Variants in PSMD11 observed in about 807,000 individuals in gnomAD.
The protein encoded by PSMD11 is 26S proteasome non-ATPase regulatory subunit 11.
PSMD11 carries 5 observed loss-of-function variants against 62.3 expected under a neutral mutation model. The observed-to-expected ratio is 0.08, with a 90% CI of 0.04 to 0.17. The LOEUF is 0.17. Among genes scored for constraint, PSMD11 ranks in the 10% least tolerant of loss-of-function variants. PSMD11 has a pLI of 1.00. For missense variants in PSMD11, 310 were observed against 512.9 expected (o/e 0.60, Z 3.82); for synonymous variants, 191 against 191.8 (o/e 1.00, Z 0.03).
chr17:32,449,008 T>A lies in PSMD11; in HGVS notation c.193+1962T>A, dbSNP rs569894918. Among the ~76,000 whole-genome samples, 26 of 152,328 alleles carry A rather than the reference T, an allele frequency of 1.7e-4. No homozygotes were observed. In the South Asian group the frequency reaches 5.0e-3, roughly 29 times the overall value. On this transcript the variant is annotated intron_variant, in intron 2 of 13. Coordinates refer to ENST00000261712, the MANE Select transcript of PSMD11 (RefSeq NM_002815.4). ...GGATTCCACTTGTCTGTCAGTTAAT[T>A]TGAGCTTGGGGGGTTCCAAAACAGT...
intron 4 of PSMD11, 150 bp from the exon 5 acceptor site, chr17:32,464,371 A>T: frequency 1.4e-6 from 1 of 723,858 alleles, no homozygotes; most frequent in Non-Finnish European, 2.3e-6. Flanking sequence ...AATAGGAGAC[A>T]ATACATTGGC....
At chr17:32,459,138 ATG>A (rs1555616133) in intron 3 of PSMD11, among the ~76,000 whole-genome samples, 1 of 132,828 alleles carries the variant, frequency 7.5e-6, no homozygotes, top group Non-Finnish European at 1.6e-5. Flanking sequence ...ATATATATAT[ATG>A]TATTTTTTTT....
chr17:32,468,118 A>G (rs1261033116), intron 5 of PSMD11, among the ~76,000 whole-genome samples: 1 of 152,236 alleles, frequency 6.6e-6, no homozygotes, highest in Non-Finnish European at 1.5e-5. Flanking sequence ...ATGTTCCTGC[A>G]GAGGACGTGA....
intron 3 of PSMD11, 158 bp downstream of exon 3, chr17:32,454,777 T>TAC (rs1907602662): frequency 7.8e-6 from 6 of 768,612 alleles, no homozygotes; most frequent in Non-Finnish European, 1.2e-5. Context: ...GGGCATTTGA[T>TAC]ACTTTGGGTC....
At chr17:32,461,580 A>AT (rs1907847071) in intron 3 of PSMD11, among the ~76,000 whole-genome samples, 3 of 78,256 alleles carry the variant, frequency 3.8e-5, no homozygotes, top group African/African-American at 6.3e-5. Context: ...TCAAAAGAAA[A>AT]GAAAAAAAAA....
intron 5 of PSMD11, among the ~76,000 whole-genome samples, chr17:32,468,513 G>A (rs1043386182): frequency 2.6e-5 from 4 of 152,300 alleles, no homozygotes; most frequent in East Asian, 1.9e-4. Context: ...TATGGTGTAA[G>A]TCTGTTTGAA....
chr17:32,477,366 C>A, intron 8 of PSMD11, 155 bp from the exon 9 acceptor site: 1 of 527,550 alleles, frequency 1.9e-6, no homozygotes, highest in South Asian at 3.4e-5. Flanking sequence ...TCAGTACTTG[C>A]GGCTCTTCTT....
intron 1 of PSMD11, among the ~76,000 whole-genome samples, chr17:32,446,666 T>G (rs931111650): frequency 5.3e-5 from 8 of 152,182 alleles, no homozygotes; most frequent in African/African-American, 1.7e-4. Context: ...CAACAGAAAC[T>G]TAGTGTATGT....
chr17:32,450,965 T>TA lies in PSMD11; in HGVS notation c.194-3523dup, dbSNP rs771579968. ...GGAGACCACATATCTACAAAAAAGA[T>TA]AAAAAAATTGACTGGGTGTGGTGGT... On this transcript the variant is annotated intron_variant, in intron 2 of 13. Transcript: ENST00000261712. 2.1e-4 allele frequency among the ~76,000 whole-genome samples: 32 copies of TA among 150,848 alleles called. No homozygotes were observed. In the East Asian group the frequency reaches 4.9e-3, roughly 23 times the overall value.
rs1908089803 is a variant in PSMD11 at position 32,469,301 on chromosome 17, C to G, written c.643+108C>G. The G allele has an allele frequency of 2.5e-6, 3 of 1,190,712 alleles. 1 individual carries two copies. In the South Asian group the frequency reaches 4.8e-5, roughly 19 times the overall value. The allele number at this position is 1,190,712 out of a possible 1,614,324, so 73.8% of individuals were successfully genotyped here. ...GAGAATAAAATTGGCTGATTTGGCT[C>G]TAGCTTCTTCAGAGAACCAGTTAGA... On this transcript the variant is annotated intron_variant, in intron 6 of 13. Transcript: ENST00000261712.
At chr17:32,453,793 A>G (rs1358109518) in intron 2 of PSMD11, among the ~76,000 whole-genome samples, 3 of 152,224 alleles carry the variant, frequency 2.0e-5, no homozygotes, top group African/African-American at 4.8e-5. Context: ...TAGAGTTCAT[A>G]TACTGCCCTC....
rs765034002 is a variant in PSMD11, at chr17:32,444,518, G to C, written c.-6G>C. ...CCGCGGCCGGGGACGGTGTGAGAGC[G>C]GTAAGATGGCGGCGGCGGCGGTGGT... is the stretch of plus-strand genomic sequence containing the variant. On this transcript the variant is annotated 5_prime_UTR_variant, in exon 1 of 14. Coordinates refer to ENST00000261712, the MANE Select transcript of PSMD11 (RefSeq NM_002815.4). The C allele has an allele frequency of 1.9e-6, 3 of 1,590,796 alleles. No individual in the cohort carries two copies. In the South Asian group the frequency reaches 3.4e-5, roughly 18 times the overall value.
chr17:32,457,302 A>G (rs950235636), intron 3 of PSMD11, among the ~76,000 whole-genome samples: 5 of 151,958 alleles, frequency 3.3e-5, no homozygotes, highest in African/African-American at 1.2e-4. Context: ...CAGTGACACA[A>G]TCTTGGCTCA....
intron 3 of PSMD11, among the ~76,000 whole-genome samples, chr17:32,456,395 A>G (rs1045014097): frequency 1.1e-4 from 16 of 151,552 alleles, no homozygotes; most frequent in African/African-American, 3.4e-4. Flanking sequence ...TATTGGTGAC[A>G]GAGTTTCACT....
intron 8 of PSMD11, among the ~76,000 whole-genome samples, chr17:32,476,345 T>C (rs955605762): frequency 2.6e-5 from 4 of 152,190 alleles, no homozygotes; most frequent in Non-Finnish European, 5.9e-5. Context: ...CATCCAAGTG[T>C]TCAGGGCAAG....
chr17:32,457,441 T>C (rs561034403), intron 3 of PSMD11, among the ~76,000 whole-genome samples: 72 of 152,272 alleles, frequency 4.7e-4, no homozygotes, highest in African/African-American at 1.7e-3. Context: ...TTTGCCATGT[T>C]GCCCAGGCTG....
At position 32,460,755 on chromosome 17, in the gene PSMD11, C is replaced by CAA. The variant is rs397939444; in HGVS notation, c.319-3280_319-3279dup. Among the ~76,000 whole-genome samples the CAA allele has an allele frequency of 1.9e-3, 235 of 124,062 alleles. 1 individual carries two copies. The highest frequency in any genetic ancestry group is 3.3e-3 in the South Asian group (12 of 3,670). 81.4% of individuals were successfully genotyped at this position (124,062 alleles called of 152,430 possible). A position where few individuals can be genotyped will look rare whatever the true frequency, so the allele number is the denominator to read the frequency against. On this transcript the variant is annotated intron_variant, in intron 3 of 13. Transcript: ENST00000261712. ...CTCCAGCCTGGGTGAGACACTGTCT[C>CAA]AAAAAAAAAAAAAAAGACAGATATA...
intron 2 of PSMD11, among the ~76,000 whole-genome samples, chr17:32,453,770 A>G (rs1907571515): frequency 6.6e-6 from 1 of 152,232 alleles, no homozygotes; most frequent in African/African-American, 2.4e-5. Flanking sequence ...TATTGTTTCA[A>G]AAGATGTTTC....
chr17:32,458,059 A>G (rs1390343052), intron 3 of PSMD11, among the ~76,000 whole-genome samples: 1 of 152,084 alleles, frequency 6.6e-6, no homozygotes, highest in Non-Finnish European at 1.5e-5. Context: ...TCAGCCTCCC[A>G]GAGTACTGGG....
Sources: gnomAD v4.1 joint callset for allele counts (sites outside exome capture counted in the v4.1 genomes callset) on GRCh38, gnomAD v4.1.1 for gene constraint, MANE v1.5 for transcripts, NCBI Gene and HGNC (gene_info 2026-07-23, HGNC 2026-07-21) for gene names.